The following TRDN variants were observed in gnomAD, a reference collection of about 807,000 sequenced individuals.
The protein encoded by TRDN is triadin in skeletal muscle.
In TRDN, 161 loss-of-function variants were observed where a neutral mutation model predicts 149.7. That is an observed-to-expected ratio of 1.08 (90% confidence interval 0.95 to 1.23). The LOEUF (loss-of-function observed/expected upper bound fraction) is 1.23, where lower values mean the gene tolerates loss of function less well. TRDN is among the 50% of genes most tolerant of loss of function. The pLI is 0.00. For synonymous variants in TRDN, 294 were observed against 250.5 expected (o/e 1.17, Z -1.64); for missense variants, 896 against 823.5 (o/e 1.09, Z -1.08).
At chr6:123,547,251 TA>T in intron 4 of TRDN, 88 bp downstream of exon 4, 3 of 809,416 alleles carry the variant, frequency 3.7e-6, no homozygotes, top group Non-Finnish European at 5.5e-6. Context: ...ACCTTTATAT[TA>T]AAATAAGTAA....
At chr6:123,386,756 G>T (rs79745104) in intron 14 of TRDN, among the ~76,000 whole-genome samples, 1 of 152,166 alleles carries the variant, frequency 6.6e-6, no homozygotes, top group African/African-American at 2.4e-5. Context: ...CAGCAATGAC[G>T]TGTCCCCAAC....
chr6:123,441,987 C>A (rs1461309004), intron 10 of TRDN: 1 of 152,164 alleles, frequency 6.6e-6, no homozygotes, highest in African/African-American at 2.4e-5. Flanking sequence ...ATCACTGTCA[C>A]CTTGTTTTCT....
intron 12 of TRDN, among the ~76,000 whole-genome samples, chr6:123,426,997 TTTCC>T (rs1200692026): frequency 3.9e-5 from 6 of 152,104 alleles, no homozygotes; most frequent in African/African-American, 1.4e-4. Context: ...TTAAACTTTC[TTTCC>T]TACCTTAGGC....
chr6:123,302,838 C>T (rs1040428038), intron 24 of TRDN, among the ~76,000 whole-genome samples: 1 of 152,000 alleles, frequency 6.6e-6, no homozygotes, highest in Non-Finnish European at 1.5e-5. Flanking sequence ...TTGATGGGCC[C>T]TAAGATTCTA....
chr6:123,624,551 C>T (rs999407760), intron 1 of TRDN, among the ~76,000 whole-genome samples: 1 of 152,164 alleles, frequency 6.6e-6, no homozygotes, highest in East Asian at 1.9e-4. Context: ...TTTTCAGAGG[C>T]TTGGTCTATG....
At chr6:123,569,217 A>T (rs1424991801) in intron 2 of TRDN, among the ~76,000 whole-genome samples, 1 of 152,204 alleles carries the variant, frequency 6.6e-6, no homozygotes, top group Non-Finnish European at 1.5e-5. Context: ...AAGGCATAAC[A>T]TGCATCACCT....
At chr6:123,249,973 T>G (rs1048506642) in intron 38 of TRDN, among the ~76,000 whole-genome samples, 7 of 151,986 alleles carry the variant, frequency 4.6e-5, no homozygotes, top group African/African-American at 1.7e-4. Context: ...CAAAAAAACT[T>G]CTAGATTTGA....
chr6:123,567,500 C>G (rs1469291758), intron 2 of TRDN, among the ~76,000 whole-genome samples: 1 of 152,058 alleles, frequency 6.6e-6, no homozygotes, highest in Non-Finnish European at 1.5e-5. Flanking sequence ...GCAGTCTGTA[C>G]AGAAGCATGG....
intron 19 of TRDN, among the ~76,000 whole-genome samples, chr6:123,374,813 A>AC (rs1340735806): frequency 4.0e-5 from 6 of 151,810 alleles, no homozygotes; most frequent in African/African-American, 1.2e-4. Flanking sequence ...ACAAAAAAAA[A>AC]CCTCAGCACT....
At chr6:123,429,328 T>C (rs1180589825) in intron 12 of TRDN, 2 of 152,214 alleles carry the variant, frequency 1.3e-5, no homozygotes. Flanking sequence ...AAAACAGATT[T>C]AATAACTGTT....
At position 123,355,747 on chromosome 6, in the gene TRDN, A is replaced by C. The variant is rs1409990417; in HGVS notation, c.1322-3161T>G. On this transcript the variant is annotated intron_variant, in intron 20 of 40. Transcript: ENST00000334268. ...TATCTTTACAAAATCAAGTCATCTG[A>C]TTGGTGAACATAAAATATCCCTCCA... Among the ~76,000 whole-genome samples the C allele has an allele frequency of 2.0e-5, 3 of 151,874 alleles. No homozygotes were observed. The East Asian group carries it at 5.8e-4, about 29-fold the overall frequency.
intron 9 of TRDN, among the ~76,000 whole-genome samples, chr6:123,480,043 C>A (rs186766703): frequency 6.6e-6 from 1 of 151,956 alleles, no homozygotes; most frequent in Admixed American, 6.6e-5. Context: ...AAATATTTAA[C>A]ATTTTTTATC....
chr6:123,415,915 T>C (rs893323982), intron 12 of TRDN, among the ~76,000 whole-genome samples: 2 of 152,226 alleles, frequency 1.3e-5, no homozygotes, highest in Non-Finnish European at 2.9e-5. Flanking sequence ...TAGTTTTATA[T>C]GTGCTCAATA....
intron 1 of TRDN, among the ~76,000 whole-genome samples, chr6:123,631,781 T>G (rs1786020624): frequency 6.6e-6 from 1 of 152,136 alleles, no homozygotes; most frequent in East Asian, 1.9e-4. Context: ...TGAAACTTAA[T>G]GTACCCATTA....
Position 123,248,328 on chromosome 6 carries a change from G to A in TRDN, c.1975+4084C>T, listed in dbSNP as rs145911367. On this transcript the variant is annotated intron_variant, in intron 38 of 40. Coordinates refer to ENST00000334268, the MANE Select transcript of TRDN (RefSeq NM_006073.4). ...TCCCAGCACTTTGGGAGGCTGAGGC[G>A]TGTGGATCACCTGAGGTCAGGAGTT... Among the ~76,000 whole-genome samples, 870 of 152,188 alleles carry A rather than the reference G, an allele frequency of 5.7e-3. 28 individuals carry two copies. In the South Asian group the frequency reaches 0.077, roughly 13 times the overall value.
chr6:123,319,636 TTTAA>T (rs1210702074), intron 23 of TRDN, among the ~76,000 whole-genome samples: 1 of 152,138 alleles, frequency 6.6e-6, no homozygotes, highest in South Asian at 2.1e-4. Context: ...GTCTTCACTG[TTTAA>T]TTGTTTTCTA....
chr6:123,552,627 T>TA (rs1781455004), intron 2 of TRDN, among the ~76,000 whole-genome samples: 1 of 152,164 alleles, frequency 6.6e-6, no homozygotes, highest in African/African-American at 2.4e-5. Flanking sequence ...TGCCTTTGTT[T>TA]AAAATGTTGA....
intron 2 of TRDN, among the ~76,000 whole-genome samples, chr6:123,561,172 C>G (rs1409641457): frequency 4.6e-5 from 7 of 152,150 alleles, no homozygotes; most frequent in African/African-American, 1.7e-4. Flanking sequence ...CTCGGTTTGG[C>G]CTTCCCATAT....
chr6:123,385,488 T>C (rs1582950470), intron 14 of TRDN, among the ~76,000 whole-genome samples: 3 of 151,534 alleles, frequency 2.0e-5, no homozygotes, highest in Admixed American at 2.0e-4. Flanking sequence ...AAGGGAAAAG[T>C]TAATTTTCTG....
Sources: gnomAD v4.1 joint callset for allele counts (sites outside exome capture counted in the v4.1 genomes callset) on GRCh38, gnomAD v4.1.1 for gene constraint, MANE v1.5 for transcripts, NCBI Gene and HGNC (gene_info 2026-07-23, HGNC 2026-07-21) for gene names.